Variants in NLRP11 observed in about 807,000 individuals in gnomAD.
NLRP11 encodes NLR family pyrin domain containing 11.
A neutral mutation model predicts 79.3 loss-of-function variants in NLRP11; 53 were observed. The observed-to-expected ratio is 0.67, with a 90% CI of 0.54 to 0.84. The LOEUF is 0.84. NLRP11 is among the 40% of genes least tolerant of loss of function. The pLI is 0.00. For synonymous variants in NLRP11, 518 were observed against 462.6 expected, an observed-to-expected ratio of 1.12 and a Z score of -1.54; for missense variants, 1,264 against 1,255.0, an observed-to-expected ratio of 1.01 and a Z score of -0.11.
chr19:55,815,774 G>C (rs1200166909), intron 2 of NLRP11, among the ~76,000 whole-genome samples: 1 of 152,086 alleles, frequency 6.6e-6, no homozygotes, highest in African/African-American at 2.4e-5. Context: ...CCTTCTCAGA[G>C]GCAGAGATGG....
chr19:55,787,490 C>T (rs1241976807), intron 9 of NLRP11, among the ~76,000 whole-genome samples: 1 of 152,174 alleles, frequency 6.6e-6, no homozygotes, highest in East Asian at 1.9e-4. Context: ...GTATGCATCA[C>T]TACGCCCGGC....
At chr19:55,819,158 C>CAG (rs1981439897) in intron 1 of NLRP11, among the ~76,000 whole-genome samples, 1 of 148,852 alleles carries the variant, frequency 6.7e-6, no homozygotes, top group Non-Finnish European at 1.5e-5. Context: ...CACACACACA[C>CAG]ACACACACAC....
intron 8 of NLRP11, 39 bp from the exon 9 acceptor site, chr19:55,789,016 T>C: frequency 6.2e-7 from 1 of 1,609,436 alleles, no homozygotes; most frequent in Non-Finnish European, 8.5e-7. Flanking sequence ...GGCCAAATCC[T>C]TGAGGAAAAA....
At chr19:55,803,444 A>C (rs1386920008) in intron 4 of NLRP11, among the ~76,000 whole-genome samples, 1 of 152,246 alleles carries the variant, frequency 6.6e-6, no homozygotes, top group East Asian at 1.9e-4. Flanking sequence ...ATTGCAACAA[A>C]AGCAAAAAAT....
chr19:55,799,544 T>C (rs1037358271), intron 5 of NLRP11, among the ~76,000 whole-genome samples: 8 of 151,590 alleles, frequency 5.3e-5, no homozygotes, highest in Admixed American at 2.0e-4. Flanking sequence ...TGTTCCAAGA[T>C]GAAAGGAGTT....
intron 5 of NLRP11, among the ~76,000 whole-genome samples, chr19:55,796,968 C>T (rs766180791): frequency 6.6e-6 from 1 of 152,156 alleles, no homozygotes; most frequent in Non-Finnish European, 1.5e-5. Flanking sequence ...CGATTACAGG[C>T]ATGAGCCACT....
chr19:55,817,026 G>A (rs1981183093), intron 2 of NLRP11, among the ~76,000 whole-genome samples: 1 of 151,962 alleles, frequency 6.6e-6, no homozygotes, highest in Non-Finnish European at 1.5e-5. Flanking sequence ...CTTCTCAAAA[G>A]AAGATACACA....
At chr19:55,820,385 T>C (rs1434735728) in intron 1 of NLRP11, among the ~76,000 whole-genome samples, 2 of 151,864 alleles carry the variant, frequency 1.3e-5, no homozygotes, top group African/African-American at 4.8e-5. Context: ...CTGGGGCACA[T>C]TGAGGTGGGA....
intron 1 of NLRP11, among the ~76,000 whole-genome samples, chr19:55,824,196 T>C (rs1982084039): frequency 1.4e-5 from 2 of 144,440 alleles, no homozygotes; most frequent in Non-Finnish European, 1.5e-5. Context: ...TAAAACACTT[T>C]ACAGACAAGC....
intron 9 of NLRP11, among the ~76,000 whole-genome samples, chr19:55,787,974 C>T (rs1989986583): frequency 1.3e-5 from 2 of 152,166 alleles, no homozygotes; most frequent in South Asian, 2.1e-4. Flanking sequence ...GACATCTTGG[C>T]TGCAGCCTCA....
chr19:55,818,210 G>A (rs895674016), exon 2 of NLRP11: 56 of 1,568,804 alleles, frequency 3.6e-5, no homozygotes, highest in Non-Finnish European at 4.9e-5. Context: ...TCAGAGAAGG[G>A]ATTTTGAGGC....
intron 1 of NLRP11, among the ~76,000 whole-genome samples, chr19:55,822,758 T>A (rs994101461): frequency 3.3e-5 from 5 of 151,324 alleles, no homozygotes; most frequent in African/African-American, 1.2e-4. Flanking sequence ...GCTCGGAGGG[T>A]CCTATGCCCA....
intron 1 of NLRP11, among the ~76,000 whole-genome samples, chr19:55,822,045 G>A (rs1046189654): frequency 1.2e-4 from 18 of 152,160 alleles, no homozygotes; most frequent in African/African-American, 3.9e-4. Flanking sequence ...GATCACCTGA[G>A]GTCAGGAGTC....
At chr19:55,836,412 C>A (rs1426887998), upstream of NLRP11, 2 of 152,106 alleles carry the variant, frequency 1.3e-5, no homozygotes, top group Admixed American at 1.3e-4. Context: ...GGGCGGTGGG[C>A]GTTTCGCTTC....
At chr19:55,827,355 C>G (rs111843426) in intron 1 of NLRP11, among the ~76,000 whole-genome samples, 1,967 of 135,628 alleles carry the variant, frequency 0.015, 21 homozygotes, top group East Asian at 0.049. Flanking sequence ...ATAGGCATGG[C>G]CAAGGACTTC....
In NLRP11 at chr19:55,809,662, G is replaced by T. The variant is rs1002524761; in HGVS notation, c.948C>A (p.Arg316=). ...GCTGGAGGGCTGCCGACGCCCTCTGGCGGTCTTTAAAGAAAGAGTTAAAAT... is the reference window on the plus strand; with the variant it reads ...GCTGGAGGGCTGCCGACGCCCTCTGTCGGTCTTTAAAGAAAGAGTTAAAAT... The change falls in exon 3 of 10, where the codon CGC becomes CGA. Residue 316 remains arginine, a synonymous_variant. Coordinates refer to ENST00000589093, the Ensembl canonical transcript of NLRP11. The surrounding 1 kb of genome is among the most constrained non-coding windows in gnomAD (Gnocchi z 4.5). 1 of 1,613,960 alleles carries T rather than the reference G, an allele frequency of 6.2e-7. No homozygotes were observed. The highest frequency in any genetic ancestry group is 8.5e-7 in the Non-Finnish European group (1 of 1,179,948).
Position 55,788,942 on chromosome 19 carries a change from C to A in NLRP11, c.2720G>T (p.Arg907Leu). The A allele has an allele frequency of 6.2e-6, 10 of 1,613,714 alleles. No individual in the cohort carries two copies. Among genetic ancestry groups the A allele is most frequent in the Non-Finnish European group, 8.5e-6 (10 of 1,179,956 alleles). ...GGTGGTAAGAACAGAGGCAAGAGAT[C>A]GACAGCAGGCACTGGTTAACATGCA... The change falls in exon 9 of 10, where the codon CGA (arginine) becomes CTA (leucine). Residue 907 changes from arginine (R) to leucine (L), a missense_variant. Transcript: ENST00000589093.
chr19:55,796,203 G>A, exon 6 of NLRP11: 2 of 1,613,960 alleles, frequency 1.2e-6, no homozygotes, highest in East Asian at 4.5e-5. Flanking sequence ...GATGAGGAGA[G>A]AGGCGATTTC....
upstream of NLRP11, among the ~76,000 whole-genome samples, chr19:55,834,278 A>G (rs1331630217): frequency 6.6e-6 from 1 of 152,194 alleles, no homozygotes; most frequent in African/African-American, 2.4e-5. Flanking sequence ...CAGAAAAGGT[A>G]AAGCACTTCT....
Sources: gnomAD v4.1 joint callset for allele counts (sites outside exome capture counted in the v4.1 genomes callset) on GRCh38, gnomAD v4.1.1 for gene constraint, Gnocchi (gnomAD v3.1) non-coding constraint, MANE v1.5 for transcripts, NCBI Gene and HGNC (gene_info 2026-07-23, HGNC 2026-07-21) for gene names.